Variants in PDE3B observed in about 807,000 individuals in gnomAD.
The protein encoded by PDE3B is cGMP-inhibited 3',5'-cyclic phosphodiesterase 3B.
PDE3B carries 66 observed loss-of-function variants against 116.8 expected under a neutral mutation model. The ratio of observed to expected loss-of-function variants is 0.56; its 90% confidence interval spans 0.46 to 0.69. The LOEUF is 0.69. PDE3B is among the 30% of genes least tolerant of loss of function. The pLI, the probability that PDE3B is intolerant of heterozygous loss-of-function variation, is 0.00. For synonymous variants in PDE3B, 595 were observed against 533.6 expected, an observed-to-expected ratio of 1.12 and a Z score of -1.59; for missense variants, 1,384 against 1,368.1, an observed-to-expected ratio of 1.01 and a Z score of -0.18.
chr11:14,889,695 T>G, the PDE3B span, among the ~76,000 whole-genome samples: 1 of 152,200 alleles, frequency 6.6e-6, no homozygotes, highest in African/African-American at 2.4e-5. Context: ...GAAATATTCA[T>G]AGTAATACCG....
chr11:14,786,738 A>C, intron 3 of PDE3B, 53 bp downstream of exon 3: 1 of 1,370,880 alleles, frequency 7.3e-7, no homozygotes, highest in East Asian at 2.3e-5. Flanking sequence ...TGATATTTTC[A>C]AATTAACTGC....
chr11:14,804,225 A>G (rs1858852729), intron 5 of PDE3B, among the ~76,000 whole-genome samples, 175 bp downstream of exon 5: 1 of 152,222 alleles, frequency 6.6e-6, no homozygotes, highest in Non-Finnish European at 1.5e-5. Flanking sequence ...TTCTTTCAGT[A>G]AAAACAGTTT....
At chr11:14,664,519 A>G (rs1364789430) in intron 1 of PDE3B, among the ~76,000 whole-genome samples, 4 of 130,750 alleles carry the variant, frequency 3.1e-5, no homozygotes, top group Non-Finnish European at 7.1e-5. Flanking sequence ...TAGACCGCTA[A>G]CAAGACTAAT....
intron 1 of PDE3B, among the ~76,000 whole-genome samples, chr11:14,693,643 G>T (rs995667424): frequency 1.3e-5 from 2 of 152,100 alleles, no homozygotes; most frequent in African/African-American, 4.8e-5. Context: ...CCACTGTTGA[G>T]ATCTACTGCT....
the PDE3B span, among the ~76,000 whole-genome samples, chr11:14,888,993 A>C: frequency 6.6e-6 from 1 of 152,316 alleles, no homozygotes; most frequent in South Asian, 2.1e-4. Context: ...AGGAAATGGT[A>C]ATTTTCAGTG....
At chr11:14,751,823 T>C (rs1199463860) in intron 1 of PDE3B, among the ~76,000 whole-genome samples, 1 of 152,206 alleles carries the variant, frequency 6.6e-6, no homozygotes, top group African/African-American at 2.4e-5. Flanking sequence ...TTGTTCTTTA[T>C]TGGTCAAAGA....
At chr11:14,665,681 C>T (rs1590044382) in intron 1 of PDE3B, among the ~76,000 whole-genome samples, 1 of 151,820 alleles carries the variant, frequency 6.6e-6, no homozygotes, top group South Asian at 2.1e-4. Context: ...GCTTCATTCA[C>T]AATTTGATTC....
chr11:14,820,099 A>G (rs894222264), intron 7 of PDE3B, among the ~76,000 whole-genome samples: 54 of 152,288 alleles, frequency 3.5e-4, no homozygotes, highest in African/African-American at 1.3e-3. Flanking sequence ...TTACCCTTTT[A>G]AAGTGTGCAA....
At chr11:14,850,631 A>T (rs1428705730) in intron 12 of PDE3B, among the ~76,000 whole-genome samples, 6 of 152,188 alleles carry the variant, frequency 3.9e-5, no homozygotes, top group Admixed American at 2.0e-4. Flanking sequence ...CCAGAGCTAA[A>T]ATCTCTTACT....
At chr11:14,702,973 A>G (rs895053521) in intron 1 of PDE3B, among the ~76,000 whole-genome samples, 4 of 151,754 alleles carry the variant, frequency 2.6e-5, no homozygotes, top group African/African-American at 9.7e-5. Context: ...ACTCATTTCC[A>G]CTGGGTACCT....
At chr11:14,880,394 T>G in the PDE3B span, 1 of 1,613,466 alleles carries the variant, frequency 6.2e-7, no homozygotes, top group Non-Finnish European at 8.5e-7. Flanking sequence ...GCTGCATTTC[T>G]AAACAGCTGT....
intron 1 of PDE3B, among the ~76,000 whole-genome samples, chr11:14,761,073 A>G (rs566669420): frequency 6.6e-6 from 1 of 152,256 alleles, no homozygotes; most frequent in African/African-American, 2.4e-5. Context: ...TCATTGTGCT[A>G]GACTCTTTAA....
the PDE3B span, among the ~76,000 whole-genome samples, chr11:14,889,059 G>A: frequency 1.3e-5 from 2 of 152,100 alleles, no homozygotes; most frequent in African/African-American, 2.4e-5. Flanking sequence ...CCTGAGGACT[G>A]GCTGTTTAAC....
chr11:14,830,483 G>A (rs1302350181), intron 7 of PDE3B, among the ~76,000 whole-genome samples: 1 of 152,030 alleles, frequency 6.6e-6, no homozygotes, highest in Non-Finnish European at 1.5e-5. Context: ...TATGAAAGGT[G>A]AGTCCAATAC....
chr11:14,867,966 C>T (rs1178869508), intron 15 of PDE3B, among the ~76,000 whole-genome samples: 1 of 152,136 alleles, frequency 6.6e-6, no homozygotes, highest in Non-Finnish European at 1.5e-5. Context: ...TCAGAAACCC[C>T]TCTGGTCTCA....
intron 1 of PDE3B, among the ~76,000 whole-genome samples, chr11:14,676,087 G>A (rs952561679): frequency 2.0e-5 from 3 of 152,104 alleles, no homozygotes; most frequent in African/African-American, 7.2e-5. Context: ...TACCTGTGAT[G>A]TTGAATGCCT....
At chr11:14,693,847 T>C (rs188957187) in intron 1 of PDE3B, among the ~76,000 whole-genome samples, 4 of 152,294 alleles carry the variant, frequency 2.6e-5, no homozygotes, top group Non-Finnish European at 4.4e-5. Flanking sequence ...TTACATCTTA[T>C]AAGGCTATAG....
At chr11:14,891,332 G>T in the PDE3B span, 1 of 985,408 alleles carries the variant, frequency 1.0e-6, no homozygotes, top group Non-Finnish European at 1.2e-6. Context: ...ATCTGCTAAG[G>T]TGCCGTTCCC....
intron 5 of PDE3B, among the ~76,000 whole-genome samples, chr11:14,817,299 C>T (rs767743253): frequency 2.3e-4 from 32 of 136,998 alleles, no homozygotes; most frequent in Middle Eastern, 3.6e-3. Context: ...GGTGGGGGGA[C>T]GGGGGATGGA....
Sources: allele counts gnomAD v4.1 joint callset (sites outside exome capture counted in the v4.1 genomes callset), GRCh38; gene constraint gnomAD v4.1.1; transcripts MANE v1.5; gene names NCBI Gene and HGNC (gene_info 2026-07-23, HGNC 2026-07-21).